Variants in STAG1 observed in about 807,000 individuals in gnomAD.
STAG1 encodes STAG1 cohesin complex component.
STAG1 carries 26 observed loss-of-function variants against 170.9 expected under a neutral mutation model. The ratio of observed to expected loss-of-function variants is 0.15; its 90% CI spans 0.11 to 0.21. The LOEUF (loss-of-function observed/expected upper bound fraction) is 0.21. Among genes scored for constraint, STAG1 ranks in the 10% least tolerant of loss-of-function variants. STAG1 has a pLI of 1.00. For missense variants in STAG1, 964 were observed against 1,509.5 expected (o/e 0.64, Z 5.99); for synonymous variants, 514 against 497.7 (o/e 1.03, Z -0.44).
At chr3:136,702,498 T>C (rs919267611) in intron 1 of STAG1, among the ~76,000 whole-genome samples, 1 of 152,064 alleles carries the variant, frequency 6.6e-6, no homozygotes, top group Non-Finnish European at 1.5e-5. Flanking sequence ...GTGATTCACC[T>C]GCCTCAGGCT....
In STAG1 at chr3:136,604,348, T is replaced by C. The variant is rs1485848045; in HGVS notation, c.258A>G (p.Thr86=). The change falls in exon 4 of 34, where the codon ACA becomes ACG. Residue 86 remains threonine (T), a synonymous_variant. Transcript: ENST00000383202. ...PQQNGEGEPV[T]LFEVVKLGKS... Reference sequence around the variant, plus strand: ...TCCCCAGTTTCACCACCTCAAATAATGTGACAGGCTCCCCTTCCCCATTCT... The same window carrying C: ...TCCCCAGTTTCACCACCTCAAATAACGTGACAGGCTCCCCTTCCCCATTCT... 1 of 1,612,598 alleles carries C rather than the reference T, an allele frequency of 6.2e-7. No homozygotes were observed. The highest frequency in any genetic ancestry group is 1.1e-5 in the South Asian group (1 of 90,592).
chr3:136,741,006 T>C (rs1394833996), intron 1 of STAG1, among the ~76,000 whole-genome samples: 2 of 152,168 alleles, frequency 1.3e-5, no homozygotes, highest in South Asian at 2.1e-4. Flanking sequence ...AAGACAACTC[T>C]CCATGGAGTC....
chr3:136,462,971 G>A (rs370267068), intron 13 of STAG1, among the ~76,000 whole-genome samples: 13 of 152,176 alleles, frequency 8.5e-5, no homozygotes, highest in Admixed American at 5.9e-4. Context: ...AACTACAGAA[G>A]CAACAAATTA....
At chr3:136,500,090 G>A in intron 9 of STAG1, 133 bp downstream of exon 9, 1 of 615,910 alleles carries the variant, frequency 1.6e-6, no homozygotes, top group Non-Finnish European at 2.9e-6. Flanking sequence ...GTGTGACACT[G>A]ACAGCCAAAG....
At chr3:136,574,821 G>A (rs1937397251) in intron 4 of STAG1, among the ~76,000 whole-genome samples, 1 of 152,128 alleles carries the variant, frequency 6.6e-6, no homozygotes, top group African/African-American at 2.4e-5. Context: ...TTACTAATGT[G>A]ATCTAACTAA....
rs951429788 is a variant in STAG1, at chr3:136,692,053, G to A, written c.-84+60142C>T. Among the ~76,000 whole-genome samples, 15 of 152,098 alleles carry A rather than the reference G, an allele frequency of 9.9e-5. No homozygotes were observed. The South Asian group carries it at 1.5e-3, about 15-fold the overall frequency. ...ATTACAGCCAGGGGCAGTGGCTCAT[G>A]CCTGTAATCCCAGTACTTTGGGAGG... On this transcript the variant is annotated intron_variant, in intron 1 of 33. Transcript: ENST00000383202.
At chr3:136,734,963 C>T (rs925015213) in intron 1 of STAG1, among the ~76,000 whole-genome samples, 2 of 152,144 alleles carry the variant, frequency 1.3e-5, no homozygotes, top group Non-Finnish European at 2.9e-5. Flanking sequence ...TGAACTCGTC[C>T]TCTCCACCAG....
At chr3:136,525,329 T>A (rs552869761) in intron 6 of STAG1, among the ~76,000 whole-genome samples, 1 of 152,124 alleles carries the variant, frequency 6.6e-6, no homozygotes, top group African/African-American at 2.4e-5. Context: ...CTTGGGAGGG[T>A]GTATGTGTCC....
chr3:136,343,719 G>T, intron 30 of STAG1, 113 bp downstream of exon 30: 1 of 730,454 alleles, frequency 1.4e-6, no homozygotes, highest in Non-Finnish European at 2.0e-6. Flanking sequence ...CTCCGTTTGT[G>T]GCTTATCATG....
intron 5 of STAG1, among the ~76,000 whole-genome samples, chr3:136,543,592 A>G (rs1267197012): frequency 6.6e-6 from 1 of 152,182 alleles, no homozygotes; most frequent in Non-Finnish European, 1.5e-5. Context: ...ATGTCTTTAG[A>G]GTAAGACATA....
rs376003306 is a variant in STAG1, at chr3:136,450,483, C to G, written c.1428+1550G>C. Among the ~76,000 whole-genome samples the G allele has an allele frequency of 1.1e-4, 16 of 152,322 alleles. No homozygotes were observed. In the East Asian group the frequency reaches 3.1e-3, roughly 29 times the overall value. On this transcript the variant is annotated intron_variant, in intron 14 of 33. Coordinates refer to ENST00000383202, the MANE Select transcript of STAG1 (RefSeq NM_005862.3). ...AAAAATGGCAGCAACTCCTTCACCACTTTCTGCTGTTTTGCCCTAACACCC... is the reference window on the plus strand; with the variant it reads ...AAAAATGGCAGCAACTCCTTCACCAGTTTCTGCTGTTTTGCCCTAACACCC...
chr3:136,582,275 A>C (rs1166681983), intron 4 of STAG1, among the ~76,000 whole-genome samples: 3 of 152,188 alleles, frequency 2.0e-5, no homozygotes, highest in Non-Finnish European at 4.4e-5. Context: ...AATACCTGCA[A>C]TGAGAGAAGT....
chr3:136,366,175 T>G (rs566239442), intron 25 of STAG1, among the ~76,000 whole-genome samples: 96 of 152,202 alleles, frequency 6.3e-4, no homozygotes, highest in African/African-American at 2.3e-3. Flanking sequence ...TTTTAATAGT[T>G]GTGTGTGACC....
chr3:136,661,853 T>C (rs1026354321), intron 1 of STAG1, among the ~76,000 whole-genome samples: 1 of 152,200 alleles, frequency 6.6e-6, no homozygotes, highest in Non-Finnish European at 1.5e-5. Context: ...GCAGGTATTA[T>C]CATCCCCATT....
chr3:136,444,262 T>C (rs1439733207), intron 14 of STAG1, among the ~76,000 whole-genome samples: 1 of 152,106 alleles, frequency 6.6e-6, no homozygotes, highest in East Asian at 1.9e-4. Flanking sequence ...TTGGTAGAGA[T>C]GGGGTTTCAC....
At position 136,623,154 on chromosome 3, in the gene STAG1, G is replaced by A. The variant is rs768284120; in HGVS notation, c.124C>T (p.Arg42Trp). 8 of 1,613,132 alleles carry A rather than the reference G, an allele frequency of 5.0e-6. No individual in the cohort carries two copies. The highest frequency in any genetic ancestry group is 4.5e-5 in the East Asian group (2 of 44,820). The change falls in exon 3 of 34, where the codon CGG becomes TGG. Residue 42 changes from arginine (R) to tryptophan (W), a missense_variant. Around this residue, in one of 11 missense-constraint regions of STAG1, gnomAD observed 108 missense variants for 120.2 expected, o/e 0.90. Coordinates refer to ENST00000383202, the MANE Select transcript of STAG1 (RefSeq NM_005862.3). ...ACAAGCATAATACATACTGGAGGCC[G>A]GCCAGGACGACCCCTTTTTCTTTTT... ...KGKRKRGRPG[R>W]PPSTNKKPRK... is the part of the protein sequence containing the mutation.
rs571790718 is a variant in STAG1 at position 136,749,317 on chromosome 3, C to T, written c.-84+2878G>A. 6.6e-5 allele frequency among the ~76,000 whole-genome samples: 10 copies of T among 152,272 alleles called. No individual in the cohort carries two copies. The South Asian group carries it at 1.2e-3, about 19-fold the overall frequency. Reference sequence around the variant, plus strand: ...TGACTCCTGCTAGCATGGATAAAAGCTAACAGCCATGTTGTGAACTATGTG... The same window carrying T: ...TGACTCCTGCTAGCATGGATAAAAGTTAACAGCCATGTTGTGAACTATGTG... On this transcript the variant is annotated intron_variant, in intron 1 of 33. Transcript: ENST00000383202.
chr3:136,389,251 G>A (rs2086946357), intron 22 of STAG1, among the ~76,000 whole-genome samples: 1 of 152,194 alleles, frequency 6.6e-6, no homozygotes, highest in African/African-American at 2.4e-5. Context: ...AGTAAAAACA[G>A]CATTCACTGG....
At chr3:136,357,973 C>T in intron 27 of STAG1, 125 bp from the exon 28 acceptor site, 1 of 744,474 alleles carries the variant, frequency 1.3e-6, no homozygotes, top group Non-Finnish European at 2.1e-6. Context: ...CTGATAAATT[C>T]AAATAATAAA....
Sources: gnomAD v4.1 joint callset for allele counts (sites outside exome capture counted in the v4.1 genomes callset) on GRCh38, gnomAD v4.1.1 for gene constraint, gnomAD v4.1.1 regional missense constraint, MANE v1.5 for transcripts, NCBI Gene and HGNC (gene_info 2026-07-23, HGNC 2026-07-21) for gene names.